The following METTL15 variants were observed in gnomAD, a reference collection of about 807,000 sequenced individuals.
METTL15 encodes the protein 12S rRNA N(4)-cytidine methyltransferase METTL15.
In METTL15, 34 loss-of-function variants were observed where a neutral mutation model predicts 38.3. That is an observed-to-expected ratio of 0.89 (90% CI 0.68 to 1.18). The LOEUF (loss-of-function observed/expected upper bound fraction) is 1.18. Among genes scored for constraint, METTL15 ranks in the 50% most tolerant of loss-of-function variants. The pLI is 0.00. For synonymous variants in METTL15, 162 were observed against 170.9 expected (o/e 0.95, Z 0.41); for missense variants, 438 against 498.4 (o/e 0.88, Z 1.15).
intron 3 of METTL15, among the ~76,000 whole-genome samples, chr11:28,184,134 T>C (rs1269318198): frequency 1.3e-5 from 2 of 152,098 alleles, no homozygotes; most frequent in African/African-American, 2.4e-5. Context: ...TGTGTCTATT[T>C]GATTCTTCTC....
chr11:28,151,863 C>T (rs1366513456), intron 3 of METTL15, among the ~76,000 whole-genome samples: 2 of 152,042 alleles, frequency 1.3e-5, no homozygotes, highest in Non-Finnish European at 2.9e-5. Flanking sequence ...AGCTGTTCTT[C>T]AAGACCTGTC....
chr11:28,239,962 G>C (rs1430023516), intron 4 of METTL15, among the ~76,000 whole-genome samples: 1 of 152,130 alleles, frequency 6.6e-6, no homozygotes, highest in Non-Finnish European at 1.5e-5. Flanking sequence ...GACAGTAGGA[G>C]TATTTTTCCC....
At chr11:28,355,150 G>A (rs1421982022) in intron 4 of METTL15, among the ~76,000 whole-genome samples, 1 of 152,142 alleles carries the variant, frequency 6.6e-6, no homozygotes, top group African/African-American at 2.4e-5. Flanking sequence ...AAGGCTCAAT[G>A]GCACCTTCTC....
intron 4 of METTL15, among the ~76,000 whole-genome samples, chr11:28,225,786 C>T (rs938192986): frequency 6.6e-6 from 1 of 151,718 alleles, no homozygotes; most frequent in Non-Finnish European, 1.5e-5. Flanking sequence ...AACCTCTCTA[C>T]CCTTATTTCT....
chr11:28,422,723 G>T (rs1198657360), intron 5 of METTL15, among the ~76,000 whole-genome samples: 4 of 151,882 alleles, frequency 2.6e-5, no homozygotes, highest in Non-Finnish European at 5.9e-5. Flanking sequence ...TTAAATCTAA[G>T]ACCACAAACT....
chr11:28,376,318 C>T, intron 5 of METTL15, among the ~76,000 whole-genome samples: 1 of 151,460 alleles, frequency 6.6e-6, no homozygotes, highest in South Asian at 2.1e-4. Flanking sequence ...CTTTGTAGGT[C>T]TCAGGACTTG....
intron 6 of METTL15, among the ~76,000 whole-genome samples, chr11:28,310,786 G>A (rs983522550): frequency 2.0e-5 from 3 of 151,906 alleles, no homozygotes; most frequent in African/African-American, 7.3e-5. Flanking sequence ...TGTATTTCAT[G>A]TATCTTTGAT....
intron 6 of METTL15, among the ~76,000 whole-genome samples, chr11:28,326,218 T>TCTTATTAATATTTTTCTCC (rs1849630009): frequency 6.6e-6 from 1 of 151,964 alleles, no homozygotes; most frequent in African/African-American, 2.4e-5. Flanking sequence ...CATTTTTCTG[T>TCTTATTAATATTTTTCTCC]CTTATTAATA....
intron 5 of METTL15, chr11:28,410,937 T>C (rs1274118219): frequency 1.3e-5 from 2 of 151,934 alleles, no homozygotes; most frequent in Non-Finnish European, 2.9e-5. Flanking sequence ...GGGTACAAAA[T>C]CAACATACAA....
intron 6 of METTL15, among the ~76,000 whole-genome samples, chr11:28,433,924 C>A (rs971515748): frequency 1.4e-4 from 22 of 152,108 alleles, no homozygotes. Flanking sequence ...ATCTAATTAT[C>A]AAATGTAGTT....
intron 5 of METTL15, among the ~76,000 whole-genome samples, chr11:28,422,434 A>G (rs1850828438): frequency 6.6e-6 from 1 of 152,126 alleles, no homozygotes; most frequent in African/African-American, 2.4e-5. Flanking sequence ...TTCACTTCAA[A>G]TTACACTACA....
chr11:28,432,782 A>G (rs1850943687), intron 6 of METTL15, among the ~76,000 whole-genome samples: 2 of 152,220 alleles, frequency 1.3e-5, no homozygotes, highest in Admixed American at 1.3e-4. Context: ...GTTCTTGTTA[A>G]TTAGGGGAGG....
intron 3 of METTL15, among the ~76,000 whole-genome samples, chr11:28,203,866 A>C (rs947521760): frequency 2.6e-5 from 4 of 152,120 alleles, no homozygotes; most frequent in African/African-American, 9.7e-5. Context: ...AGTTAATAAC[A>C]GATCATTATT....
chr11:28,252,668 C>T (rs543106411), intron 4 of METTL15, among the ~76,000 whole-genome samples: 19 of 152,120 alleles, frequency 1.2e-4, no homozygotes, highest in Non-Finnish European at 2.5e-4. Flanking sequence ...ATCAGTCTCT[C>T]CCCGTCTATG....
At chr11:28,430,753 C>A (rs546754329) in intron 6 of METTL15, among the ~76,000 whole-genome samples, 6 of 112,570 alleles carry the variant, frequency 5.3e-5, no homozygotes, top group African/African-American at 2.0e-4. Flanking sequence ...CCTGGCCAGC[C>A]GCCCCGTCTG....
chr11:28,279,919 A>C (rs543193463), intron 4 of METTL15, among the ~76,000 whole-genome samples: 67 of 151,808 alleles, frequency 4.4e-4, no homozygotes, highest in African/African-American at 6.8e-4. Flanking sequence ...CAAAACAAAA[A>C]AAAAAAAAAA....
rs779961168 is a variant in METTL15, at chr11:28,330,514, C to T, written c.897C>T (p.Leu299=). The T allele has an allele frequency of 3.9e-6, 6 of 1,551,632 alleles. No individual in the cohort carries two copies. Among genetic ancestry groups the T allele is most frequent in the African/African-American group, 1.4e-5 (1 of 73,138 alleles). ...RIFVNNELNE[L]YTGLKTAQKF... is the part of the protein sequence containing the mutation. ...TTGTGAACAATGAGCTCAATGAACT[C>T]TACACGGGACTGAAGACAGCTCAGA... The change falls in exon 7 of 7, where the codon CTC becomes CTT. Residue 299 remains leucine, a synonymous_variant. Transcript: ENST00000407364.
At chr11:28,319,656 T>C (rs965528393) in intron 6 of METTL15, among the ~76,000 whole-genome samples, 5 of 152,174 alleles carry the variant, frequency 3.3e-5, no homozygotes, top group Non-Finnish European at 5.9e-5. Context: ...ATGTGGAACA[T>C]GATTAAAACA....
At chr11:28,515,528 A>G (rs1203909829) in intron 6 of METTL15, among the ~76,000 whole-genome samples, 1 of 152,246 alleles carries the variant, frequency 6.6e-6, no homozygotes, top group African/African-American at 2.4e-5. Flanking sequence ...CCTATGGGCT[A>G]CATATGGCCC....
Sources: allele counts gnomAD v4.1 joint callset (sites outside exome capture counted in the v4.1 genomes callset), GRCh38; gene constraint gnomAD v4.1.1; transcripts MANE v1.5; gene names NCBI Gene and HGNC (gene_info 2026-07-23, HGNC 2026-07-21).